ABCA2: variants seen among roughly 807,000 people sequenced by gnomAD.
The protein encoded by ABCA2 is ATP binding cassette subfamily A member 2.
ABCA2 carries 84 observed loss-of-function variants against 262.8 expected under a neutral mutation model. The observed-to-expected ratio is 0.32, with a 90% CI of 0.27 to 0.38. The LOEUF (loss-of-function observed/expected upper bound fraction) is 0.38, where lower values mean the gene tolerates loss of function less well. ABCA2 is among the 10% of genes least tolerant of loss of function. The pLI is 1.00. For missense variants in ABCA2, 2,662 were observed against 3,405.9 expected, an observed-to-expected ratio of 0.78 and a Z score of 5.44; for synonymous variants, 1,696 against 1,502.9, an observed-to-expected ratio of 1.13 and a Z score of -2.97.
At chr9:137,025,372 C>T (rs576034001) in intron 1 of ABCA2, among the ~76,000 whole-genome samples, 1 of 152,326 alleles carries the variant, frequency 6.6e-6, no homozygotes, top group African/African-American at 2.4e-5. Context: ...ACAGAGGGGC[C>T]CTGCCCTCCC....
In ABCA2 at chr9:137,017,806, T is replaced by G. The variant is rs1278276127; in HGVS notation, c.2192A>C (p.Lys731Thr). The change falls in exon 16 of 49, where the codon AAG becomes ACG. Residue 731 changes from lysine to threonine, a missense_variant. This residue lies in a region of ABCA2 where 188 missense variants were observed against 343.4 expected (regional missense o/e 0.55). Transcript: ENST00000341511. ...GCGCACCTCCTTGAGCCGGTGCTCC[T>G]TCTCCGCCACGATGTGCTGGATGGT... is the stretch of plus-strand genomic sequence containing the variant. The part of the protein sequence containing the change: ...AMTIQHIVAE[K>T]EHRLKEVMKT... The G allele has an allele frequency of 6.2e-7, 1 of 1,612,526 alleles. No individual in the cohort carries two copies.
Position 137,022,967 on chromosome 9 carries a change from G to T in ABCA2, c.249C>A (p.Phe83Leu), listed in dbSNP as rs775007741. 1 of 1,587,064 alleles carries T rather than the reference G, an allele frequency of 6.3e-7. No homozygotes were observed. The highest frequency in any genetic ancestry group is 1.1e-5 in the South Asian group (1 of 87,198). Residue 83 changes from phenylalanine to leucine, a missense_variant, in exon 4 of 49, where the codon TTC (phenylalanine) becomes TTA (leucine). Phe to Leu is a conservative substitution (Grantham distance 22, BLOSUM62 0). This residue lies in a region of ABCA2 where 101 missense variants were observed against 152.3 expected (regional missense o/e 0.66). Transcript: ENST00000341511. ...TGGAGTTGGCGTACTGCAGGAAGCC[G>T]AACTCGTCTCGCTGGCCGTCCGGGC... The part of the protein sequence containing the change: ...SLCPDGQRDE[F>L]GFLQYANSTV...
Position 137,021,334 on chromosome 9 carries a change from C to T in ABCA2, c.897+58G>A. 6.3e-7 allele frequency: 1 copy of T among 1,581,054 alleles called. No homozygotes were observed. Among genetic ancestry groups the T allele is most frequent in the South Asian group, 1.1e-5 (1 of 89,252 alleles). ...CCTGAGCTCTCCAAGCGGTCCCAGC[C>T]CCTCCTTCAACTCAGGCAGCAAGCA... On this transcript the variant is annotated intron_variant, in intron 8 of 48. Transcript: ENST00000341511. This position sits in a 1 kb window ranked among gnomAD's most constrained non-coding sequence, Gnocchi z 6.0.
At chr9:137,009,332 G>GCCCCCCCCC in intron 45 of ABCA2, 38 bp downstream of exon 45, 1 of 980,410 alleles carries the variant, frequency 1.0e-6, no homozygotes, top group Admixed American at 2.1e-5. Flanking sequence ...CCCCCCCCGG[G>GCCCCCCCCC]CCCGCCCCAG....
chr9:137,013,387 G>A (rs1337606373), intron 29 of ABCA2, 69 bp from the exon 30 acceptor site: 21 of 1,183,234 alleles, frequency 1.8e-5, no homozygotes, highest in South Asian at 5.5e-5. Context: ...CCCCTCGCCC[G>A]CCTGGCCCAC....
chr9:137,012,671 T>C (rs1831103459), intron 31 of ABCA2, 41 bp downstream of exon 31: 1 of 1,610,324 alleles, frequency 6.2e-7, no homozygotes. Flanking sequence ...AGGTGGCTGG[T>C]GGCCGGCCAC....
upstream of ABCA2, chr9:137,028,628 G>T (rs1040596708): frequency 2.7e-6 from 3 of 1,100,184 alleles, no homozygotes; most frequent in East Asian, 3.3e-4. The surrounding 1 kb of genome is among the most constrained non-coding windows in gnomAD (Gnocchi z 6.9). Context: ...GGGGCGCGCC[G>T]AGCGGACGCT....
At chr9:137,018,427 G>A (rs1323033805) in intron 13 of ABCA2, 76 bp from the exon 14 acceptor site, 4 of 997,870 alleles carry the variant, frequency 4.0e-6, no homozygotes, top group African/African-American at 4.3e-5. Context: ...AGCAAGGCAC[G>A]GGGGCGGGGC....
In ABCA2 at chr9:137,022,035, G is replaced by GTGGCTCAGATGGGGTA. The variant is rs2131465666; in HGVS notation, c.568-35_568-34insTACCCCATCTGAGCCA. On this transcript the variant is annotated intron_variant, in intron 6 of 48. Transcript: ENST00000341511. The stretch of plus-strand genomic sequence containing the variant: ...TGTGGGGGAATGGCTCAGATGGGGT[G>GTGGCTCAGATGGGGTA]TGGGGGGCGTGGCTCAGATGGTGGG... The GTGGCTCAGATGGGGTA allele has an allele frequency of 9.9e-5, 20 of 201,846 alleles. No individual in the cohort carries two copies. The East Asian group carries it at 1.8e-3, about 18-fold the overall frequency. 12.5% of individuals were successfully genotyped at this position (201,846 alleles called of 1,614,324 possible). A position where few individuals can be genotyped will look rare whatever the true frequency, so the allele number is the denominator to read the frequency against.
rs1174224102 is a variant in ABCA2 at position 137,010,216 on chromosome 9, GC to G, written c.6329del (p.Gly2110AlafsTer11). The G allele has an allele frequency of 1.2e-6, 2 of 1,604,242 alleles. No individual in the cohort carries two copies. Among genetic ancestry groups the G allele is most frequent in the Non-Finnish European group, 1.7e-6 (2 of 1,178,268 alleles). On this transcript the variant is annotated frameshift_variant, in exon 41 of 49. Coordinates refer to ENST00000341511, the MANE Select transcript of ABCA2 (RefSeq NM_001606.5). LOFTEE classifies it high-confidence loss of function. ...ACCTGTGTCCATTGACGAAGGCCTC[GC>G]CCCCCGTCGTGCTCTCGTCGCCGGT... is the stretch of plus-strand genomic sequence containing the variant. Reference protein sequence around the residue: ...MLTGDESTTGGEAFVNGHSVL... With the variant: ...MLTGDESTTGXEAFVNGHSVL...
chr9:137,014,334 G>C lies in ABCA2; in HGVS notation c.4074C>G (p.Gly1358=), dbSNP rs757730221. The stretch of plus-strand genomic sequence containing the variant: ...TCAGCTCCGAGCACCGGGCCAGATT[G>C]CCAGCGTGACCCTCCCCAGACGCCG... ...EGPASGEGHA[G]NLARCSELTQ... is the part of the protein sequence containing the mutation. The change falls in exon 27 of 49, where the codon GGC becomes GGG. Residue 1358 remains glycine (G), a synonymous_variant. Transcript: ENST00000341511. 1.1e-5 allele frequency: 18 copies of C among 1,607,936 alleles called. No homozygotes were observed. Among genetic ancestry groups the C allele is most frequent in the Non-Finnish European group, 1.5e-5 (18 of 1,177,898 alleles).
In ABCA2 at chr9:137,012,810, G is replaced by C. The variant is rs748913346; in HGVS notation, c.4983C>G (p.Pro1661=). 1 of 1,611,552 alleles carries C rather than the reference G, an allele frequency of 6.2e-7. No individual in the cohort carries two copies. Among genetic ancestry groups the C allele is most frequent in the Non-Finnish European group, 8.5e-7 (1 of 1,179,466 alleles). Residue 1661 remains proline (P), a synonymous_variant, in exon 31 of 49, where the codon CCC becomes CCG. Coordinates refer to ENST00000341511, the MANE Select transcript of ABCA2 (RefSeq NM_001606.5). The part of the protein sequence containing the change: ...SCPSSVGGHP[P]QMRVVTGDIL... ...TGTCGCCTGTGACCACCCGCATCTG[G>C]GGCGGGTGCCCGCCCACACTGCTGG...
At chr9:137,024,699 G>A (rs1168169807) in intron 1 of ABCA2, among the ~76,000 whole-genome samples, 1 of 152,160 alleles carries the variant, frequency 6.6e-6, no homozygotes, top group Non-Finnish European at 1.5e-5. Flanking sequence ...GGGAGATGAG[G>A]AGGCCTGGTT....
In ABCA2 at chr9:137,011,558, C is replaced by G; in HGVS notation, c.5652-4G>C. ...CATGATGGGCGTGATGGACCACCTG[C>G]GGGCAGGTGGCGGGCAGTGGTCACC... On this transcript the variant is annotated splice_region_variant and splice_polypyrimidine_tract_variant and intron_variant, in intron 36 of 48. Transcript: ENST00000341511. This position sits in a 1 kb window ranked among gnomAD's most constrained non-coding sequence, Gnocchi z 8.8. The G allele has an allele frequency of 6.3e-7, 1 of 1,575,238 alleles. No homozygotes were observed. The highest frequency in any genetic ancestry group is 8.6e-7 in the Non-Finnish European group (1 of 1,160,690).
chr9:137,024,187 A>G lies in ABCA2; in HGVS notation c.116T>C (p.Leu39Pro). Reference sequence around the variant, plus strand: ...GGGCTTCTTCTGTCGCAGCCCCAGCAGGATAAAGAACAGCACCAGGGGGAT... The same window carrying G: ...GGGCTTCTTCTGTCGCAGCCCCAGCGGGATAAAGAACAGCACCAGGGGGAT... The part of the protein sequence containing the change: ...IFIPLVLFFI[L>P]LGLRQKKPTI... Residue 39 changes from leucine (L) to proline (P), a missense_variant, in exon 2 of 49, where the codon CTG becomes CCG. Transcript: ENST00000341511. 2 of 1,612,340 alleles carry G rather than the reference A, an allele frequency of 1.2e-6. No homozygotes were observed. The highest frequency in any genetic ancestry group is 1.7e-6 in the Non-Finnish European group (2 of 1,179,616).
At chr9:137,020,137 C>T (rs1588522955) in intron 10 of ABCA2, 199 bp downstream of exon 10, 1 of 682,928 alleles carries the variant, frequency 1.5e-6, no homozygotes, top group East Asian at 2.8e-5. Context: ...CCAGTGCCTT[C>T]CCACAGCAGC....
chr9:137,009,493 G>C, intron 44 of ABCA2, 31 bp from the exon 45 acceptor site: 1 of 1,611,850 alleles, frequency 6.2e-7, no homozygotes, highest in South Asian at 1.1e-5. Context: ...GGCACCGGAA[G>C]GGGTGCTGTG....
intron 24 of ABCA2, 47 bp downstream of exon 24, chr9:137,015,367 C>CG (rs1564219888): frequency 6.6e-7 from 1 of 1,516,908 alleles, no homozygotes; most frequent in Non-Finnish European, 8.9e-7. Flanking sequence ...GTGGGGGTCC[C>CG]GGGGAGAAGG....
intron 3 of ABCA2, 93 bp downstream of exon 3, chr9:137,023,745 A>C (rs923154903): frequency 1.4e-5 from 10 of 715,068 alleles, no homozygotes; most frequent in African/African-American, 1.2e-4. Context: ...AGGGCTGTTA[A>C]TGCAAGCGGG....
Sources: allele counts gnomAD v4.1 joint callset (sites outside exome capture counted in the v4.1 genomes callset), GRCh38; gene constraint gnomAD v4.1.1; regional missense constraint gnomAD v4.1.1; non-coding constraint Gnocchi (gnomAD v3.1); transcripts MANE v1.5; gene names NCBI Gene and HGNC (gene_info 2026-07-23, HGNC 2026-07-21).